The following MTMR9 variants were observed in gnomAD, a reference collection of about 807,000 sequenced individuals.
MTMR9 encodes the protein myotubularin-related protein 9.
A neutral mutation model predicts 69.5 loss-of-function variants in MTMR9; 39 were observed. The ratio of observed to expected loss-of-function variants is 0.56; its 90% CI spans 0.43 to 0.73. The LOEUF is 0.73. MTMR9 is among the 30% of genes least tolerant of loss of function. The pLI, the probability that MTMR9 is intolerant of heterozygous loss-of-function variation, is 0.00. For synonymous variants in MTMR9, 354 were observed against 240.8 expected (o/e 1.47, Z -4.35); for missense variants, 900 against 671.2 (o/e 1.34, Z -3.77).
intron 5 of MTMR9, among the ~76,000 whole-genome samples, chr8:11,309,027 C>T (rs892378263): frequency 1.4e-4 from 22 of 152,308 alleles, no homozygotes; most frequent in East Asian, 1.2e-3. Flanking sequence ...GACCTATTTT[C>T]GCACAGTTTC....
At chr8:11,291,441 T>C (rs1799377647) in intron 1 of MTMR9, among the ~76,000 whole-genome samples, 1 of 152,140 alleles carries the variant, frequency 6.6e-6, no homozygotes, top group Non-Finnish European at 1.5e-5. Flanking sequence ...ATACAGGGCA[T>C]GGATGGGACA....
intron 3 of MTMR9, among the ~76,000 whole-genome samples, chr8:11,304,557 A>G (rs996346867): frequency 6.6e-5 from 10 of 152,246 alleles, no homozygotes; most frequent in African/African-American, 2.2e-4. Context: ...CTGAAAGTAC[A>G]GTAAAAACCA....
At chr8:11,315,262 C>A (rs1800368417) in intron 7 of MTMR9, among the ~76,000 whole-genome samples, 198 bp downstream of exon 7, 1 of 152,174 alleles carries the variant, frequency 6.6e-6, no homozygotes, top group Non-Finnish European at 1.5e-5. Flanking sequence ...TTGACACTTC[C>A]TTCACTTAGG....
At chr8:11,313,487 C>T (rs1031523390) in intron 6 of MTMR9, among the ~76,000 whole-genome samples, 1 of 152,198 alleles carries the variant, frequency 6.6e-6, no homozygotes, top group Non-Finnish European at 1.5e-5. Context: ...AGCTTTTGGC[C>T]TGACTCAGCT....
intron 1 of MTMR9, among the ~76,000 whole-genome samples, chr8:11,286,019 C>T (rs1431577497): frequency 7.5e-6 from 1 of 133,702 alleles, no homozygotes; most frequent in Non-Finnish European, 1.5e-5. Flanking sequence ...GGTGGCCAAT[C>T]TCGGCTCACT....
At chr8:11,314,854 G>C (rs760338892) in intron 6 of MTMR9, 69 bp from the exon 7 acceptor site, 1 of 1,492,818 alleles carries the variant, frequency 6.7e-7, no homozygotes, top group Non-Finnish European at 9.3e-7. Context: ...ATAAACGCTT[G>C]TTATTAACAG....
At chr8:11,299,875 T>C in intron 2 of MTMR9, 148 bp from the exon 3 acceptor site, 1 of 906,630 alleles carries the variant, frequency 1.1e-6, no homozygotes, top group Non-Finnish European at 1.6e-6. Flanking sequence ...AAGACTAAAA[T>C]TGTATCTGGT....
At chr8:11,300,301 A>T (rs559032552) in intron 3 of MTMR9, 153 bp downstream of exon 3, 1 of 753,428 alleles carries the variant, frequency 1.3e-6, no homozygotes, top group Non-Finnish European at 2.1e-6. Flanking sequence ...AGCCATGCAG[A>T]GTATGATCTC....
At chr8:11,320,469 C>T (rs1354376699) in intron 9 of MTMR9, 1 of 152,238 alleles carries the variant, frequency 6.6e-6, no homozygotes, top group African/African-American at 2.4e-5. Flanking sequence ...TGGCTCACGC[C>T]TGTAATCCCA....
rs760864661 is a variant in MTMR9, at chr8:11,304,972, G to A, written c.549G>A (p.Gly183=). 5 of 1,614,094 alleles carry A rather than the reference G, an allele frequency of 3.1e-6. No individual in the cohort carries two copies. The highest frequency in any genetic ancestry group is 4.2e-6 in the Non-Finnish European group (5 of 1,179,966). ...AGGTAGCTACATTTCGACATGGAGGGCGCTTCCCAGTACTAAGCTATTACC... is the reference window on the plus strand; with the variant it reads ...AGGTAGCTACATTTCGACATGGAGGACGCTTCCCAGTACTAAGCTATTACC... ...LRKVATFRHG[G]RFPVLSYYHK... The change falls in exon 4 of 10, where the codon GGG becomes GGA. Residue 183 remains glycine, a synonymous_variant. Coordinates refer to ENST00000221086, the MANE Select transcript of MTMR9 (RefSeq NM_015458.4).
intron 1 of MTMR9, among the ~76,000 whole-genome samples, chr8:11,290,829 C>G (rs1450641400): frequency 6.6e-6 from 1 of 150,426 alleles, no homozygotes; most frequent in Non-Finnish European, 1.5e-5. Context: ...TGTGATGTGT[C>G]CAAAAATCGG....
chr8:11,310,749 A>G (rs1174802018), intron 6 of MTMR9, among the ~76,000 whole-genome samples: 1 of 152,106 alleles, frequency 6.6e-6, no homozygotes, highest in East Asian at 1.9e-4. Context: ...TCCTTACATT[A>G]TGAGTACAGA....
At chr8:11,335,919 G>T in the MTMR9 span, among the ~76,000 whole-genome samples, 1 of 152,138 alleles carries the variant, frequency 6.6e-6, no homozygotes, top group Admixed American at 6.5e-5. Flanking sequence ...TGTTCTGGGA[G>T]TTAGGACTTC....
intron 9 of MTMR9, chr8:11,320,803 C>A: frequency 6.6e-6 from 1 of 152,332 alleles, no homozygotes; most frequent in South Asian, 2.1e-4. Context: ...AACAAAGCCT[C>A]TAAAATACCA....
At position 11,292,601 on chromosome 8, in the gene MTMR9, G is replaced by A. The variant is rs78259668; in HGVS notation, c.183-2593G>A. Among the ~76,000 whole-genome samples, 1,087 of 152,086 alleles carry A rather than the reference G, an allele frequency of 7.1e-3. 4 individuals are homozygous for A. The highest frequency in any genetic ancestry group is 0.011 in the Non-Finnish European group (752 of 67,952). The stretch of plus-strand genomic sequence containing the variant: ...ATTTCCCTTATGACTAGTGGTGTAG[G>A]GCATCTTTTCATATGCTTATTTGCC... On this transcript the variant is annotated intron_variant, in intron 1 of 9. Transcript: ENST00000221086.
intron 9 of MTMR9, among the ~76,000 whole-genome samples, chr8:11,322,365 A>T (rs1014640009): frequency 6.6e-6 from 1 of 152,188 alleles, no homozygotes; most frequent in Non-Finnish European, 1.5e-5. Context: ...GATCTATTTG[A>T]TAATTTTGTG....
intron 5 of MTMR9, among the ~76,000 whole-genome samples, chr8:11,308,515 A>G (rs1441525283): frequency 6.6e-6 from 1 of 151,884 alleles, no homozygotes; most frequent in Non-Finnish European, 1.5e-5. Flanking sequence ...GGTCTTTTTA[A>G]TCTCCTTACT....
In MTMR9 at chr8:11,306,179, T is replaced by A; in HGVS notation, c.592-11T>A. On this transcript the variant is annotated splice_polypyrimidine_tract_variant and intron_variant, in intron 4 of 9. Transcript: ENST00000221086. ...ACTGCTGTTGAATTTTCAGCTTTAT[T>A]ATGCTTCTAGGTAATTATGCGAAGT... 6.2e-7 allele frequency: 1 copy of A among 1,611,342 alleles called. No homozygotes were observed. Among genetic ancestry groups the A allele is most frequent in the Non-Finnish European group, 8.5e-7 (1 of 1,179,298 alleles).
rs182226337 is a variant in MTMR9, at chr8:11,306,509, A to G, written c.809+102A>G. 1.4e-4 allele frequency: 139 copies of G among 1,013,204 alleles called. No individual in the cohort carries two copies. In the East Asian group the frequency reaches 2.3e-3, roughly 17 times the overall value. The allele number at this position is 1,013,204 out of a possible 1,614,324, so 62.8% of individuals were successfully genotyped here. ...CACAAGTGCTCAAATTAACTTCTGC[A>G]TTAATTTAGGGTCAATGATGGGCTA... is the stretch of plus-strand genomic sequence containing the variant. On this transcript the variant is annotated intron_variant, in intron 5 of 9. Transcript: ENST00000221086.
Sources: allele counts gnomAD v4.1 joint callset (sites outside exome capture counted in the v4.1 genomes callset), GRCh38; gene constraint gnomAD v4.1.1; transcripts MANE v1.5; gene names NCBI Gene and HGNC (gene_info 2026-07-23, HGNC 2026-07-21).